FAM53A: variants seen among roughly 807,000 people sequenced by gnomAD.
FAM53A encodes the protein family with sequence similarity 53 member A.
FAM53A carries 28 observed loss-of-function variants against 26.6 expected under a neutral mutation model. That is an observed-to-expected ratio of 1.05 (90% CI 0.78 to 1.45). The LOEUF is 1.45. Among genes scored for constraint, FAM53A ranks in the 40% most tolerant of loss-of-function variants. The pLI is 0.00. For synonymous variants in FAM53A, 290 were observed against 253.1 expected, an observed-to-expected ratio of 1.15 and a Z score of -1.38; for missense variants, 650 against 575.8, an observed-to-expected ratio of 1.13 and a Z score of -1.32.
At chr4:1,658,092 G>A (rs1359088788) in intron 2 of FAM53A, among the ~76,000 whole-genome samples, 1 of 151,498 alleles carries the variant, frequency 6.6e-6, no homozygotes, top group Non-Finnish European at 1.5e-5. Context: ...CTTACTACAA[G>A]CTCTGCCTCC....
At position 1,640,987 on chromosome 4, in the gene FAM53A, C is replaced by T. The variant is rs1711637724; in HGVS notation, c.*306G>A. 1.4e-5 allele frequency: 6 copies of T among 438,614 alleles called. No homozygotes were observed. Among genetic ancestry groups the T allele is most frequent in the Non-Finnish European group, 2.5e-5 (6 of 238,312 alleles). The allele number at this position is 438,614 out of a possible 1,614,324, so 27.2% of individuals were successfully genotyped here. A position where few individuals can be genotyped will look rare whatever the true frequency, so the allele number is the denominator to read the frequency against. ...GTGGCCCCGACCAGCTCACAGGAAA[C>T]CTACTCTGTGCCCCAGGGCAGGTGC... On this transcript the variant is annotated 3_prime_UTR_variant, in exon 5 of 5. Coordinates refer to ENST00000308132, the MANE Select transcript of FAM53A (RefSeq NM_001174070.3).
chr4:1,672,574 G>A (rs1282135479), intron 1 of FAM53A, among the ~76,000 whole-genome samples: 1 of 152,138 alleles, frequency 6.6e-6, no homozygotes, highest in African/African-American at 2.4e-5. Flanking sequence ...TGGACCCGCA[G>A]AGAACGTATG....
chr4:1,682,787 TA>T (rs879736063), intron 1 of FAM53A, among the ~76,000 whole-genome samples: 180 of 143,680 alleles, frequency 1.3e-3, no homozygotes, highest in Admixed American at 1.5e-3. Context: ...ATGCATGCAC[TA>T]AAAAAAAAAA....
At chr4:1,660,894 C>A (rs899180855) in intron 2 of FAM53A, among the ~76,000 whole-genome samples, 2 of 151,288 alleles carry the variant, frequency 1.3e-5, no homozygotes, top group Non-Finnish European at 2.9e-5. Flanking sequence ...AAAAAAAAAA[C>A]TAAAAGTTTT....
chr4:1,645,807 AT>A (rs1363723362), intron 4 of FAM53A, among the ~76,000 whole-genome samples: 1 of 152,056 alleles, frequency 6.6e-6, no homozygotes, highest in Non-Finnish European at 1.5e-5. Context: ...CAAATTCCAG[AT>A]TTTCGGTCTG....
rs529172883 is a variant in FAM53A, at chr4:1,646,867, C to T, written c.883-5260G>A. ...CTCGGTCTCTCCAGAGGCAGCTGAG[C>T]GCCTTCTCTACGTGGCAAAAGCTTT... On this transcript the variant is annotated intron_variant, in intron 4 of 4. Transcript: ENST00000308132. Among the ~76,000 whole-genome samples the T allele has an allele frequency of 2.0e-4, 31 of 152,306 alleles. 1 individual carries two copies. The East Asian group carries it at 2.7e-3, about 13-fold the overall frequency.
intron 4 of FAM53A, among the ~76,000 whole-genome samples, chr4:1,649,572 C>T (rs2108858738): frequency 6.6e-6 from 1 of 152,372 alleles, no homozygotes; most frequent in Non-Finnish European, 1.5e-5. Flanking sequence ...CCCGCTCATG[C>T]CCACTGGGGT....
At chr4:1,680,630 T>C (rs141997429) in intron 1 of FAM53A, among the ~76,000 whole-genome samples, 9 of 152,238 alleles carry the variant, frequency 5.9e-5, no homozygotes, top group Non-Finnish European at 1.3e-4. Context: ...GTAATATTAT[T>C]TAGCACTAAA....
rs561567867 is a variant in FAM53A at position 1,678,963 on chromosome 4, C to T, written c.-165+5270G>A. Among the ~76,000 whole-genome samples, 3 of 151,690 alleles carry T rather than the reference C, an allele frequency of 2.0e-5. No homozygotes were observed. In the South Asian group the frequency reaches 6.3e-4, roughly 32 times the overall value. ...AAAATATAGATGACTTTGGGTTTGG[C>T]GATGACTTCTGAGATACAACACTGA... is the stretch of plus-strand genomic sequence containing the variant. On this transcript the variant is annotated intron_variant, in intron 1 of 4. Coordinates refer to ENST00000308132, the MANE Select transcript of FAM53A (RefSeq NM_001174070.3).
chr4:1,681,866 C>T (rs1054508430), intron 1 of FAM53A, among the ~76,000 whole-genome samples: 28 of 152,152 alleles, frequency 1.8e-4, no homozygotes, highest in Non-Finnish European at 2.9e-5. Flanking sequence ...GAACAGGCTG[C>T]ACCATATCAC....
At chr4:1,634,727 G>A (rs573902622) in intron 1 of FAM53A, among the ~76,000 whole-genome samples, 8 of 151,940 alleles carry the variant, frequency 5.3e-5, no homozygotes, top group Admixed American at 6.6e-5. Flanking sequence ...GTGAAACCCC[G>A]TCTCTACTAA....
At chr4:1,652,023 CCA>C (rs1478883505) in intron 4 of FAM53A, among the ~76,000 whole-genome samples, 7 of 65,064 alleles carry the variant, frequency 1.1e-4, no homozygotes, top group African/African-American at 2.9e-4. Flanking sequence ...CACACACACA[CCA>C]CACACGCCAC....
chr4:1,629,640 G>A (rs1715522242), intron 1 of FAM53A, among the ~76,000 whole-genome samples: 1 of 152,242 alleles, frequency 6.6e-6, no homozygotes, highest in African/African-American at 2.4e-5. Context: ...GGCCTTGCCA[G>A]TGCCCAGCTT....
chr4:1,585,287 T>C, the FAM53A span, among the ~76,000 whole-genome samples: 1 of 88,670 alleles, frequency 1.1e-5, no homozygotes, highest in Non-Finnish European at 2.2e-5. Context: ...TTTTTTTTTT[T>C]TTTTTTTTTT....
Position 1,655,175 on chromosome 4 carries a change from G to T in FAM53A, c.685C>A (p.Leu229Ile). The change falls in exon 4 of 5, where the codon CTC becomes ATC. Residue 229 changes from leucine (L) to isoleucine (I), a missense_variant. Physicochemically the swap from Leu to Ile is conservative, Grantham distance 5. Transcript: ENST00000308132. ...GGCAGGGGAGTGCCCGCACCCGCGA[G>T]TCGCTCCTGTGAGAGGGACGGGCGG... Reference protein sequence around the residue: ...RRRPSLSQERLAGAGTPLPWA... With the variant: ...RRRPSLSQERIAGAGTPLPWA... 6.4e-7 allele frequency: 1 copy of T among 1,572,276 alleles called. No homozygotes were observed. The highest frequency in any genetic ancestry group is 8.6e-7 in the Non-Finnish European group (1 of 1,165,176).
At chr4:1,672,923 C>T (rs952745580) in intron 1 of FAM53A, among the ~76,000 whole-genome samples, 6 of 152,012 alleles carry the variant, frequency 3.9e-5, no homozygotes, top group Admixed American at 1.3e-4. Context: ...GCACACACTA[C>T]CACACCCAGC....
intron 2 of FAM53A, among the ~76,000 whole-genome samples, chr4:1,665,318 T>C (rs1714143438): frequency 6.7e-6 from 1 of 148,580 alleles, no homozygotes; most frequent in African/African-American, 2.5e-5. Context: ...ACTCCATCAC[T>C]TTAAAAAAAA....
At chr4:1,598,402 A>AGG in the FAM53A span, among the ~76,000 whole-genome samples, 563 of 152,342 alleles carry the variant, frequency 3.7e-3, 7 homozygotes, top group African/African-American at 0.013. Flanking sequence ...ACTCTGGTTG[A>AGG]GGGGCTGCCT....
the FAM53A span, among the ~76,000 whole-genome samples, chr4:1,609,912 G>A: frequency 6.6e-6 from 1 of 152,080 alleles, no homozygotes; most frequent in Admixed American, 6.5e-5. Context: ...GCAGTGAGCC[G>A]AGATCGCGCC....
Sources: allele counts gnomAD v4.1 joint callset (sites outside exome capture counted in the v4.1 genomes callset), GRCh38; gene constraint gnomAD v4.1.1; transcripts MANE v1.5; gene names NCBI Gene and HGNC (gene_info 2026-07-23, HGNC 2026-07-21).